Variants in KCNA6 observed in about 807,000 individuals in gnomAD.
KCNA6 encodes human brain potassium channel-2.
In KCNA6, 17 loss-of-function variants were observed where a neutral mutation model predicts 29.5. The ratio of observed to expected loss-of-function variants is 0.58; its 90% CI spans 0.39 to 0.86. The LOEUF is 0.86. KCNA6 is among the 40% of genes least tolerant of loss of function. The pLI, the probability that KCNA6 is intolerant of heterozygous loss-of-function variation, is 0.00. For missense variants in KCNA6, 450 were observed against 703.4 expected, an observed-to-expected ratio of 0.64 and a Z score of 4.07; for synonymous variants, 296 against 304.7, an observed-to-expected ratio of 0.97 and a Z score of 0.30.
the KCNA6 span, among the ~76,000 whole-genome samples, chr12:4,823,537 C>T: frequency 1.3e-4 from 20 of 151,732 alleles, no homozygotes; most frequent in East Asian, 5.8e-4. Flanking sequence ...GAGGCCGAGG[C>T]GGGCGAATCA....
In KCNA6 at chr12:4,811,768, C is replaced by A; in HGVS notation, c.*137C>A. 1.1e-6 allele frequency: 1 copy of A among 941,062 alleles called. No homozygotes were observed. Among genetic ancestry groups the A allele is most frequent in the Admixed American group, 2.5e-5 (1 of 39,596 alleles). The allele number at this position is 941,062 out of a possible 1,614,324, so 58.3% of individuals were successfully genotyped here. A position where few individuals can be genotyped will look rare whatever the true frequency, so the allele number is the denominator to read the frequency against. ...TACACCCACTACCTGGCATCCAGGA[C>A]CAAATACCTGGACTATCAACCTTGT... is the stretch of plus-strand genomic sequence containing the variant. On this transcript the variant is annotated 3_prime_UTR_variant, in exon 1 of 1. Transcript: ENST00000280684. The surrounding 1 kb of genome is among the most constrained non-coding windows in gnomAD (Gnocchi z 7.1).
At chr12:4,835,614 C>T in the KCNA6 span, among the ~76,000 whole-genome samples, 3 of 152,200 alleles carry the variant, frequency 2.0e-5, no homozygotes, top group South Asian at 2.1e-4. Flanking sequence ...GTGGAACTCT[C>T]CCACCAGGAG....
chr12:4,827,018 CT>C, the KCNA6 span, among the ~76,000 whole-genome samples: 1 of 151,894 alleles, frequency 6.6e-6, no homozygotes, highest in Admixed American at 6.6e-5. Context: ...TCCCTCCTTC[CT>C]TTCCTCCTCT....
At chr12:4,812,982 T>G (rs1332179899) in exon 1 of KCNA6, 1 of 167,148 alleles carries the variant, frequency 6.0e-6, no homozygotes, top group Non-Finnish European at 1.5e-5. Flanking sequence ...CCCTTTTGTT[T>G]CTCAGTAACA....
chr12:4,830,335 C>A, the KCNA6 span, among the ~76,000 whole-genome samples: 2 of 152,186 alleles, frequency 1.3e-5, no homozygotes, highest in Non-Finnish European at 2.9e-5. Flanking sequence ...ATGGCAGGAG[C>A]CAGTAAAGTT....
downstream of KCNA6, among the ~76,000 whole-genome samples, chr12:4,817,255 A>C (rs1946691294): frequency 6.6e-6 from 1 of 152,194 alleles, no homozygotes; most frequent in Non-Finnish European, 1.5e-5. Flanking sequence ...CTTGGGTTGC[A>C]CAGATAGCTC....
rs755895550 is a variant in KCNA6 at position 4,810,425 on chromosome 12, C to T, written c.384C>T (p.Asp128=). Residue 128 remains aspartate, a synonymous_variant, in exon 1 of 1, where the codon GAC becomes GAT. Coordinates refer to ENST00000280684, the Ensembl canonical transcript of KCNA6. The surrounding 1 kb of genome is among the most constrained non-coding windows in gnomAD (Gnocchi z 7.5). ...AGATCCGCTTCTACCAGCTGGGGGA[C>T]GAGGCCCTGGCGGCCTTCCGGGAGG... 6.2e-7 allele frequency: 1 copy of T among 1,614,096 alleles called. No individual in the cohort carries two copies. Among genetic ancestry groups the T allele is most frequent in the South Asian group, 1.1e-5 (1 of 91,078 alleles).
the KCNA6 span, among the ~76,000 whole-genome samples, chr12:4,850,441 A>G: frequency 1.4e-4 from 21 of 152,158 alleles, no homozygotes; most frequent in Admixed American, 1.3e-4. The surrounding 1 kb of genome is among the most constrained non-coding windows in gnomAD (Gnocchi z 5.4). Flanking sequence ...CTCAGGGGCC[A>G]TTAAAGGTGG....
the KCNA6 span, among the ~76,000 whole-genome samples, chr12:4,836,580 G>A: frequency 2.0e-5 from 3 of 152,198 alleles, no homozygotes; most frequent in African/African-American, 7.2e-5. Flanking sequence ...GGGATATATG[G>A]AGTGAGAGAA....
At chr12:4,829,747 G>A in the KCNA6 span, among the ~76,000 whole-genome samples, 2 of 151,742 alleles carry the variant, frequency 1.3e-5, no homozygotes, top group Non-Finnish European at 2.9e-5. Context: ...AGCCATAGTT[G>A]GGTACCTCCA....
At position 4,811,748 on chromosome 12, in the gene KCNA6, C is replaced by A; in HGVS notation, c.*117C>A. 1 of 1,221,186 alleles carries A rather than the reference C, an allele frequency of 8.2e-7. No individual in the cohort carries two copies. The highest frequency in any genetic ancestry group is 1.2e-6 in the Non-Finnish European group (1 of 867,776). 75.6% of individuals were successfully genotyped at this position (1,221,186 alleles called of 1,614,324 possible). On this transcript the variant is annotated 3_prime_UTR_variant, in exon 1 of 1. Transcript: ENST00000280684. This position sits in a 1 kb window ranked among gnomAD's most constrained non-coding sequence, Gnocchi z 7.1. ...GACTTCTTGACTCTCTCCCCTACAC[C>A]CACTACCTGGCATCCAGGACCAAAT...
chr12:4,850,843 T>C, the KCNA6 span: 7 of 453,840 alleles, frequency 1.5e-5, no homozygotes, highest in Admixed American at 2.4e-5. This position sits in a 1 kb window ranked among gnomAD's most constrained non-coding sequence, Gnocchi z 5.4. Flanking sequence ...CTGGCACCGC[T>C]GGCAGGCATC....
chr12:4,818,533 A>G, the KCNA6 span, among the ~76,000 whole-genome samples: 5 of 152,184 alleles, frequency 3.3e-5, no homozygotes, highest in African/African-American at 1.2e-4. Flanking sequence ...GTCAGCTGTT[A>G]TTATCATCCT....
At chr12:4,836,089 G>A in the KCNA6 span, among the ~76,000 whole-genome samples, 6 of 150,726 alleles carry the variant, frequency 4.0e-5, no homozygotes, top group Non-Finnish European at 8.8e-5. Context: ...ACAGGTGCCT[G>A]CCATCATGCC....
the KCNA6 span, among the ~76,000 whole-genome samples, chr12:4,832,833 T>G: frequency 6.6e-6 from 1 of 152,190 alleles, no homozygotes; most frequent in Non-Finnish European, 1.5e-5. Context: ...GGACCACTCC[T>G]TTTGCACTCA....
the KCNA6 span, among the ~76,000 whole-genome samples, chr12:4,843,512 T>C: frequency 2.6e-5 from 4 of 152,200 alleles, no homozygotes; most frequent in Admixed American, 2.0e-4. Flanking sequence ...AAGTAATATA[T>C]GCACACAGTT....
the KCNA6 span, among the ~76,000 whole-genome samples, chr12:4,837,879 C>T: frequency 1.3e-5 from 2 of 151,826 alleles, no homozygotes; most frequent in South Asian, 2.1e-4. Context: ...TGAGCATCTG[C>T]TGGGAGTGCA....
At chr12:4,831,861 G>T in the KCNA6 span, among the ~76,000 whole-genome samples, 1 of 152,120 alleles carries the variant, frequency 6.6e-6, no homozygotes, top group Non-Finnish European at 1.5e-5. Flanking sequence ...CTGGCTCTCC[G>T]AGTCACTAGT....
In KCNA6 at chr12:4,811,188, C is replaced by T; in HGVS notation, c.1147C>T (p.Leu383Phe). Residue 383 changes from leucine (L) to phenylalanine (F), a missense_variant, in exon 1 of 1, where the codon CTC (leucine) becomes TTC (phenylalanine). This residue lies in a region of KCNA6 where 57 missense variants were observed against 140.3 expected (regional missense o/e 0.41). Coordinates refer to ENST00000280684, the Ensembl canonical transcript of KCNA6. This position sits in a 1 kb window ranked among gnomAD's most constrained non-coding sequence, Gnocchi z 7.1. ...GGAGCTGGGGCTGCTCATCTTCTTC[C>T]TCTTCATCGGGGTCATCCTCTTCTC... 6.2e-7 allele frequency: 1 copy of T among 1,614,266 alleles called. No homozygotes were observed. The highest frequency in any genetic ancestry group is 8.5e-7 in the Non-Finnish European group (1 of 1,180,038).
Sources: gnomAD v4.1 joint callset for allele counts (sites outside exome capture counted in the v4.1 genomes callset) on GRCh38, gnomAD v4.1.1 for gene constraint, gnomAD v4.1.1 regional missense constraint, Gnocchi (gnomAD v3.1) non-coding constraint, MANE v1.5 for transcripts, NCBI Gene and HGNC (gene_info 2026-07-23, HGNC 2026-07-21) for gene names.